PTPRD: variants seen among roughly 807,000 people sequenced by gnomAD.
PTPRD encodes receptor-type tyrosine-protein phosphatase delta.
In PTPRD, 34 loss-of-function variants were observed where a neutral mutation model predicts 214.5. The ratio of observed to expected loss-of-function variants is 0.16; its 90% confidence interval spans 0.12 to 0.21. The LOEUF is 0.21. Among genes scored for constraint, PTPRD ranks in the 10% least tolerant of loss-of-function variants. The probability of loss-of-function intolerance (pLI) is 1.00; values close to 1 mark genes in which losing one functional copy is unlikely to be tolerated. For missense variants in PTPRD, 2,545 were observed against 2,398.7 expected, an observed-to-expected ratio of 1.06 and a Z score of -1.27; for synonymous variants, 1,128 against 845.7, an observed-to-expected ratio of 1.33 and a Z score of -5.79.
chr9:8,335,823 A>G (rs1846095428), intron 43 of PTPRD, among the ~76,000 whole-genome samples: 1 of 152,208 alleles, frequency 6.6e-6, no homozygotes, highest in Non-Finnish European at 1.5e-5. Context: ...TGCAAAAGTC[A>G]CAAGCACTCC....
At chr9:10,485,330 G>A (rs1029404829) in intron 2 of PTPRD, among the ~76,000 whole-genome samples, 18 of 152,062 alleles carry the variant, frequency 1.2e-4, no homozygotes, top group African/African-American at 4.3e-4. Flanking sequence ...GCCCATCACA[G>A]TTTAGACTAT....
intron 5 of PTPRD, among the ~76,000 whole-genome samples, chr9:9,854,714 C>G (rs1447445232): frequency 6.6e-6 from 1 of 151,498 alleles, no homozygotes; most frequent in African/African-American, 2.4e-5. Context: ...TTTTAAATCC[C>G]TTTCAACTTC....
chr9:10,609,538 T>C (rs2080384950), intron 2 of PTPRD, among the ~76,000 whole-genome samples: 1 of 152,150 alleles, frequency 6.6e-6, no homozygotes, highest in South Asian at 2.1e-4. Context: ...CTGCTAATTC[T>C]TGGATATAAC....
intron 5 of PTPRD, among the ~76,000 whole-genome samples, chr9:9,933,282 C>T: frequency 6.6e-6 from 1 of 152,194 alleles, no homozygotes; most frequent in Non-Finnish European, 1.5e-5. Flanking sequence ...CACAGACTGG[C>T]AAATTGGATA....
chr9:8,763,029 G>C (rs779551747), intron 11 of PTPRD, among the ~76,000 whole-genome samples: 31 of 152,136 alleles, frequency 2.0e-4, no homozygotes, highest in Non-Finnish European at 3.8e-4. Flanking sequence ...GAGCATTCAG[G>C]TAGGCTCAGG....
chr9:10,090,118 A>T (rs577095957), intron 3 of PTPRD, among the ~76,000 whole-genome samples: 1 of 151,686 alleles, frequency 6.6e-6, no homozygotes, highest in African/African-American at 2.4e-5. Context: ...AAGCATATCC[A>T]TATAGCATAG....
At chr9:9,889,616 C>G (rs866832242) in intron 5 of PTPRD, among the ~76,000 whole-genome samples, 1 of 152,068 alleles carries the variant, frequency 6.6e-6, no homozygotes, top group African/African-American at 2.4e-5. Context: ...AGCCCCAATT[C>G]CACAATACAT....
chr9:9,730,084 T>C lies in PTPRD; in HGVS notation c.-287+4449A>G, dbSNP rs116717299. On this transcript the variant is annotated intron_variant, in intron 7 of 45. Transcript: ENST00000381196. ...TAATTTTTGAGGGGAGAGTATCTTG[T>C]AGATAAAACATCAGAATATTTTTGG... Among the ~76,000 whole-genome samples the C allele has an allele frequency of 8.9e-3, 1,348 of 152,228 alleles. 26 individuals carry two copies. The highest frequency in any genetic ancestry group is 0.031 in the African/African-American group (1,296 of 41,558).
intron 36 of PTPRD, among the ~76,000 whole-genome samples, chr9:8,399,950 A>T (rs1193082571): frequency 6.6e-6 from 1 of 152,194 alleles, no homozygotes; most frequent in South Asian, 2.1e-4. Flanking sequence ...CATGACAACT[A>T]GCTTTTGGGG....
At chr9:8,357,454 A>G (rs1410307794) in intron 39 of PTPRD, among the ~76,000 whole-genome samples, 1 of 152,190 alleles carries the variant, frequency 6.6e-6, no homozygotes, top group Non-Finnish European at 1.5e-5. Context: ...ACTGGACTGG[A>G]ACCCCTGAAG....
At chr9:10,525,760 T>C (rs2054081904) in intron 2 of PTPRD, among the ~76,000 whole-genome samples, 1 of 97,488 alleles carries the variant, frequency 1.0e-5, no homozygotes, top group Non-Finnish European at 2.1e-5. Flanking sequence ...GTGTGTGTAT[T>C]TTCCCTGAAA....
chr9:8,560,941 AC>A (rs2086011331), intron 14 of PTPRD, among the ~76,000 whole-genome samples: 1 of 147,794 alleles, frequency 6.8e-6, no homozygotes, highest in African/African-American at 2.6e-5. Flanking sequence ...AAAAAAAAAA[AC>A]ACTCCGTAGA....
intron 7 of PTPRD, among the ~76,000 whole-genome samples, chr9:9,692,457 G>C (rs2154404482): frequency 6.6e-6 from 1 of 151,970 alleles, no homozygotes; most frequent in Middle Eastern, 3.4e-3. Context: ...ATTTGTTTCT[G>C]GGTTGTCTAT....
intron 3 of PTPRD, among the ~76,000 whole-genome samples, chr9:10,130,321 T>C (rs2098852109): frequency 6.6e-6 from 1 of 152,126 alleles, no homozygotes; most frequent in Non-Finnish European, 1.5e-5. Context: ...TGGAATAACA[T>C]ACCATTTTTT....
chr9:9,363,228 G>C (rs1168256423), intron 9 of PTPRD, among the ~76,000 whole-genome samples: 1 of 148,950 alleles, frequency 6.7e-6, no homozygotes, highest in Admixed American at 6.8e-5. Flanking sequence ...AAGGCCACAA[G>C]AGCAATTACT....
intron 26 of PTPRD, among the ~76,000 whole-genome samples, chr9:8,496,950 C>A (rs1242763857): frequency 6.6e-6 from 1 of 152,200 alleles, no homozygotes; most frequent in Admixed American, 6.5e-5. Context: ...GACAACACCC[C>A]TGTGTTTTAA....
At chr9:10,567,006 C>T (rs1415769670) in intron 2 of PTPRD, among the ~76,000 whole-genome samples, 1 of 151,972 alleles carries the variant, frequency 6.6e-6, no homozygotes, top group African/African-American at 2.4e-5. Flanking sequence ...TTCTGTGAAA[C>T]TCCCTCTTTC....
intron 3 of PTPRD, among the ~76,000 whole-genome samples, chr9:10,129,475 G>A (rs73641855): frequency 0.046 from 6,849 of 148,070 alleles, 529 homozygotes; most frequent in African/African-American, 0.16. Flanking sequence ...TTTCTCACTT[G>A]GATTTTATTC....
intron 14 of PTPRD, among the ~76,000 whole-genome samples, chr9:8,588,250 T>C (rs2093824568): frequency 6.6e-6 from 1 of 152,222 alleles, no homozygotes. Context: ...CATGATCCAG[T>C]GGGCCCATAC....
Sources: allele counts gnomAD v4.1 joint callset (sites outside exome capture counted in the v4.1 genomes callset), GRCh38; gene constraint gnomAD v4.1.1; transcripts MANE v1.5; gene names NCBI Gene and HGNC (gene_info 2026-07-23, HGNC 2026-07-21).